Variants in AKT3 observed in about 807,000 individuals in gnomAD.
AKT3 encodes AKT serine/threonine kinase 3, also known as RAC-gamma serine/threonine-protein kinase.
A neutral mutation model predicts 65.3 loss-of-function variants in AKT3; 15 were observed. The ratio of observed to expected loss-of-function variants is 0.23; its 90% CI spans 0.15 to 0.35. The LOEUF (loss-of-function observed/expected upper bound fraction) is 0.35, where lower values mean the gene tolerates loss of function less well. Ranked by LOEUF, AKT3 falls within the 10% of genes least tolerant of loss-of-function variation. AKT3 has a pLI of 1.00. For synonymous variants in AKT3, 206 were observed against 183.8 expected, an observed-to-expected ratio of 1.12 and a Z score of -0.98; for missense variants, 243 against 576.5, an observed-to-expected ratio of 0.42 and a Z score of 5.92.
intron 8 of AKT3, among the ~76,000 whole-genome samples, chr1:243,577,359 C>A (rs1250447030): frequency 6.6e-6 from 1 of 152,114 alleles, no homozygotes; most frequent in African/African-American, 2.4e-5. Flanking sequence ...GTTGGCCAGG[C>A]TGGTCTCAAA....
At chr1:243,643,145 T>C (rs904315978) in intron 5 of AKT3, among the ~76,000 whole-genome samples, 2 of 152,172 alleles carry the variant, frequency 1.3e-5, no homozygotes, top group African/African-American at 2.4e-5. Flanking sequence ...TGTGAGATCA[T>C]GAGATTTCAG....
intron 4 of AKT3, among the ~76,000 whole-genome samples, chr1:243,657,917 G>T (rs1480167001): frequency 6.6e-6 from 1 of 152,016 alleles, no homozygotes; most frequent in Non-Finnish European, 1.5e-5. Context: ...AGAAAACTGG[G>T]TATCAACATG....
At chr1:243,738,989 C>T (rs942732019) in intron 2 of AKT3, among the ~76,000 whole-genome samples, 2 of 152,282 alleles carry the variant, frequency 1.3e-5, no homozygotes, top group Admixed American at 1.3e-4. Flanking sequence ...AATTCACCAT[C>T]TCTCATTTAA....
intron 2 of AKT3, among the ~76,000 whole-genome samples, chr1:243,749,732 G>A (rs1312091862): frequency 2.0e-5 from 3 of 152,074 alleles, no homozygotes; most frequent in Non-Finnish European, 4.4e-5. Flanking sequence ...TTGGCTTGCT[G>A]TAATCTATTT....
At chr1:243,762,257 AC>A (rs1164264161) in intron 2 of AKT3, among the ~76,000 whole-genome samples, 1 of 152,092 alleles carries the variant, frequency 6.6e-6, no homozygotes, top group Non-Finnish European at 1.5e-5. Flanking sequence ...ATTTATGTCA[AC>A]AGAAAATACT....
rs566777029 is a variant in AKT3 at position 243,770,694 on chromosome 1, T to C, written c.46+72431A>G. On this transcript the variant is annotated intron_variant, in intron 2 of 13. Coordinates refer to ENST00000673466, the MANE Select transcript of AKT3 (RefSeq NM_005465.7). ...TTAACTTCATTTTGTGTTTGAGAGA[T>C]ACCTAGTCACACTTTTAAGCCTGGA... Among the ~76,000 whole-genome samples the C allele has an allele frequency of 2.0e-5, 3 of 149,616 alleles. No individual in the cohort carries two copies. The East Asian group carries it at 5.9e-4, about 30-fold the overall frequency.
At chr1:243,671,952 A>C (rs1683181772) in intron 3 of AKT3, among the ~76,000 whole-genome samples, 1 of 152,186 alleles carries the variant, frequency 6.6e-6, no homozygotes, top group Non-Finnish European at 1.5e-5. Context: ...TCATCTGTCA[A>C]AGCCATAGGA....
chr1:243,500,743 T>G lies in AKT3; in HGVS notation c.*4506A>C, dbSNP rs1669206723. ...ATGTCACCATATGCTCAGCCTTGCC[T>G]CTCAGAAGTGATGTGGATTAGGCTT... On this transcript the variant is annotated 3_prime_UTR_variant, in exon 14 of 14. Transcript: ENST00000673466. The G allele has an allele frequency of 4.4e-6, 1 of 227,798 alleles. No individual in the cohort carries two copies. The highest frequency in any genetic ancestry group is 5.7e-5 in the Admixed American group (1 of 17,614). The allele number at this position is 227,798 out of a possible 1,614,324, so 14.1% of individuals were successfully genotyped here.
At chr1:243,564,445 A>G (rs1674010292) in intron 9 of AKT3, among the ~76,000 whole-genome samples, 1 of 152,230 alleles carries the variant, frequency 6.6e-6, no homozygotes, top group Admixed American at 6.5e-5. Context: ...GTTAATAAAA[A>G]TATATAGCAT....
intron 3 of AKT3, chr1:243,687,895 C>A (rs1438597311): frequency 2.6e-5 from 4 of 152,020 alleles, no homozygotes; most frequent in Non-Finnish European, 5.9e-5. Context: ...AAGCGAGAAG[C>A]AAAATTTGAT....
rs148305483 is a variant in AKT3, at chr1:243,745,636, C to T, written c.47-49920G>A. ...CCCTCAGGCCACATGCAGCCCAGAA[C>T]AGCTTTGAATGCGCCTCAACACAAT... On this transcript the variant is annotated intron_variant, in intron 2 of 13. Transcript: ENST00000673466. Among the ~76,000 whole-genome samples the T allele has an allele frequency of 1.5e-3, 228 of 152,278 alleles. 1 individual carries two copies. The highest frequency in any genetic ancestry group is 5.3e-3 in the African/African-American group (220 of 41,550).
chr1:243,789,577 T>G (rs1435018956), intron 2 of AKT3, among the ~76,000 whole-genome samples: 1 of 152,160 alleles, frequency 6.6e-6, no homozygotes, highest in Non-Finnish European at 1.5e-5. Flanking sequence ...TCCATGAGGG[T>G]TGAAATTCAA....
At position 243,786,029 on chromosome 1, in the gene AKT3, T is replaced by G. The variant is rs184529481; in HGVS notation, c.46+57096A>C. 2.9e-3 allele frequency among the ~76,000 whole-genome samples: 444 copies of G among 152,350 alleles called. 1 individual carries two copies. The highest frequency in any genetic ancestry group is 5.4e-3 in the Non-Finnish European group (367 of 68,026). ...TTATGAGCTTCAAGGTAAATACCTC[T>G]GTCCAGATCATTCTGAGCCTTAAAG... On this transcript the variant is annotated intron_variant, in intron 2 of 13. Coordinates refer to ENST00000673466, the MANE Select transcript of AKT3 (RefSeq NM_005465.7).
intron 2 of AKT3, among the ~76,000 whole-genome samples, chr1:243,808,581 A>G (rs2148389655): frequency 6.6e-6 from 1 of 152,346 alleles, no homozygotes; most frequent in East Asian, 1.9e-4. Context: ...GACAGGGAGA[A>G]TGGAACCAAG....
chr1:243,542,710 T>G (rs1241057813), intron 12 of AKT3, among the ~76,000 whole-genome samples: 1 of 152,220 alleles, frequency 6.6e-6, no homozygotes, highest in Non-Finnish European at 1.5e-5. Context: ...AAATTTTAAC[T>G]GAATTCATTA....
chr1:243,835,908 A>C (rs1227649233), intron 2 of AKT3, among the ~76,000 whole-genome samples: 1 of 152,196 alleles, frequency 6.6e-6, no homozygotes, highest in Non-Finnish European at 1.5e-5. Flanking sequence ...CTTTAAAATA[A>C]GACACATAAA....
intron 2 of AKT3, among the ~76,000 whole-genome samples, chr1:243,810,527 ATAAT>A (rs969209955): frequency 6.6e-6 from 1 of 152,214 alleles, no homozygotes; most frequent in East Asian, 1.9e-4. Context: ...AATTGAGGCA[ATAAT>A]TAATAGCTTA....
intron 2 of AKT3, among the ~76,000 whole-genome samples, chr1:243,806,113 C>T (rs1455372612): frequency 6.6e-6 from 1 of 152,148 alleles, no homozygotes; most frequent in Admixed American, 6.6e-5. Context: ...TCAAATGCCC[C>T]TTCCTCTGTG....
rs1553388225 is a variant in AKT3 at position 243,500,565 on chromosome 1, G to GTAA, written c.*4681_*4683dup. 4.4e-6 allele frequency: 1 copy of GTAA among 228,102 alleles called. No individual in the cohort carries two copies. Among genetic ancestry groups the GTAA allele is most frequent in the Non-Finnish European group, 8.7e-6 (1 of 114,996 alleles). 14.1% of individuals were successfully genotyped at this position (228,102 alleles called of 1,614,324 possible). ...CAATTAAGCCCTCAAATGCTTTAAA[G>GTAA]TAATAAAAACGGACACTGGACATAC... is the stretch of plus-strand genomic sequence containing the variant. On this transcript the variant is annotated 3_prime_UTR_variant, in exon 14 of 14. Transcript: ENST00000673466.
Sources: gnomAD v4.1 joint callset for allele counts (sites outside exome capture counted in the v4.1 genomes callset) on GRCh38, gnomAD v4.1.1 for gene constraint, MANE v1.5 for transcripts, NCBI Gene and HGNC (gene_info 2026-07-23, HGNC 2026-07-21) for gene names.